Variants in SGCD observed in about 807,000 individuals in gnomAD.
The protein encoded by SGCD is delta-sarcoglycan.
Under a neutral mutation model 36.6 loss-of-function variants are expected in SGCD, and 18 were observed. The ratio of observed to expected loss-of-function variants is 0.49; its 90% confidence interval spans 0.34 to 0.73. The LOEUF is 0.73. SGCD is among the 30% of genes least tolerant of loss of function. The probability of loss-of-function intolerance (pLI) is 0.01; values close to 1 mark genes in which losing one functional copy is unlikely to be tolerated. For missense variants in SGCD, 387 were observed against 346.7 expected (o/e 1.12, Z -0.92); for synonymous variants, 133 against 130.6 (o/e 1.02, Z -0.12).
At chr5:156,106,340 A>G (rs1346411400) in intron 1 of SGCD, among the ~76,000 whole-genome samples, 1 of 152,118 alleles carries the variant, frequency 6.6e-6, no homozygotes, top group Non-Finnish European at 1.5e-5. Flanking sequence ...AAAGTAGTGA[A>G]GGAAAAACAG....
intron 3 of SGCD, among the ~76,000 whole-genome samples, chr5:156,271,022 C>G (rs376638376): frequency 1.8e-4 from 28 of 152,302 alleles, no homozygotes; most frequent in African/African-American, 6.5e-4. Context: ...TCTTCCACCA[C>G]TGGAACTGAT....
intron 3 of SGCD, among the ~76,000 whole-genome samples, chr5:156,136,755 G>T (rs1436053722): frequency 1.3e-5 from 2 of 152,154 alleles, no homozygotes; most frequent in Non-Finnish European, 2.9e-5. Context: ...TGATATCTGA[G>T]ATTTTACTAA....
At chr5:155,928,029 G>A (rs554842968) in intron 1 of SGCD, among the ~76,000 whole-genome samples, 2 of 152,310 alleles carry the variant, frequency 1.3e-5, no homozygotes, top group Admixed American at 6.5e-5. Context: ...CAGGTCTGCA[G>A]CATTATAGAA....
chr5:155,938,979 C>T (rs1757270755), intron 1 of SGCD, among the ~76,000 whole-genome samples: 1 of 152,174 alleles, frequency 6.6e-6, no homozygotes, highest in Admixed American at 6.6e-5. Flanking sequence ...TGTGAAGCTG[C>T]ACTAATAGCC....
At chr5:156,321,396 G>T (rs1474856292) in intron 3 of SGCD, among the ~76,000 whole-genome samples, 1 of 151,928 alleles carries the variant, frequency 6.6e-6, no homozygotes, top group Non-Finnish European at 1.5e-5. Flanking sequence ...CTCCAGCCTG[G>T]GTGACAGAGC....
intron 7 of SGCD, among the ~76,000 whole-genome samples, chr5:156,739,355 A>T (rs1486777305): frequency 6.6e-6 from 1 of 152,228 alleles, no homozygotes; most frequent in Admixed American, 6.5e-5. Flanking sequence ...GCACGCCTTG[A>T]TGCTGGGCAT....
intron 1 of SGCD, among the ~76,000 whole-genome samples, chr5:155,913,827 T>C (rs1344350783): frequency 6.6e-6 from 1 of 152,222 alleles, no homozygotes; most frequent in Non-Finnish European, 1.5e-5. Flanking sequence ...GAGTTCTGCA[T>C]AGTCTGTGCT....
chr5:156,320,205 A>G (rs982599026), intron 3 of SGCD, among the ~76,000 whole-genome samples: 3 of 151,732 alleles, frequency 2.0e-5, no homozygotes, highest in Non-Finnish European at 2.9e-5. Flanking sequence ...CTCATTCAAG[A>G]AGTTTACCAT....
intron 3 of SGCD, among the ~76,000 whole-genome samples, chr5:156,497,006 A>G (rs1258802066): frequency 6.6e-6 from 1 of 152,154 alleles, no homozygotes; most frequent in Non-Finnish European, 1.5e-5. Context: ...AGAAGTTAGA[A>G]TTGTCTTGAC....
At chr5:155,836,758 C>T in the SGCD span, among the ~76,000 whole-genome samples, 1 of 152,130 alleles carries the variant, frequency 6.6e-6, no homozygotes, top group Admixed American at 6.5e-5. Flanking sequence ...GTATTTTTCT[C>T]CTCCTTCTAG....
At chr5:155,978,812 G>C (rs1758172379) in intron 1 of SGCD, among the ~76,000 whole-genome samples, 1 of 151,812 alleles carries the variant, frequency 6.6e-6, no homozygotes, top group African/African-American at 2.4e-5. Context: ...GGGGAGGGGG[G>C]ATATTGGAGT....
chr5:156,660,529 T>A (rs988171639), intron 7 of SGCD, among the ~76,000 whole-genome samples: 4 of 151,986 alleles, frequency 2.6e-5, no homozygotes, highest in Non-Finnish European at 5.9e-5. Context: ...GTTATCACCT[T>A]CCCTATTTCC....
chr5:156,187,244 C>A (rs1239811347), intron 3 of SGCD, among the ~76,000 whole-genome samples: 1 of 151,954 alleles, frequency 6.6e-6, no homozygotes, highest in Non-Finnish European at 1.5e-5. Flanking sequence ...TCATGGAGGG[C>A]ATGGAGTTCT....
rs765530951 is a variant in SGCD at position 156,698,018 on chromosome 5, A to T, written c.575+50482A>T. ...AATTTTTTTGAGTAGTGTGTAATGA[A>T]GGTTTTCTCTGGGCATAGTGGCTCA... On this transcript the variant is annotated intron_variant, in intron 7 of 8. Coordinates refer to ENST00000337851, the MANE Select transcript of SGCD (RefSeq NM_000337.6). Among the ~76,000 whole-genome samples, 186 of 152,146 alleles carry T rather than the reference A, an allele frequency of 1.2e-3. 1 individual carries two copies. Among genetic ancestry groups the T allele is most frequent in the Non-Finnish European group, 1.2e-3 (80 of 68,026 alleles).
intron 3 of SGCD, among the ~76,000 whole-genome samples, chr5:156,306,759 C>A (rs1395417130): frequency 6.6e-6 from 1 of 152,170 alleles, no homozygotes; most frequent in Non-Finnish European, 1.5e-5. Context: ...CTTGTGTGGA[C>A]AGTTGTTCAA....
the SGCD span, among the ~76,000 whole-genome samples, chr5:155,857,070 C>T: frequency 6.5e-3 from 986 of 151,896 alleles, 6 homozygotes; most frequent in African/African-American, 0.023. Flanking sequence ...CCCATCTCTA[C>T]GAAAAATACA....
At chr5:156,638,352 T>A (rs1017703055) in intron 6 of SGCD, among the ~76,000 whole-genome samples, 1 of 152,206 alleles carries the variant, frequency 6.6e-6, no homozygotes, top group Non-Finnish European at 1.5e-5. Flanking sequence ...TCTACACTAC[T>A]GGCCTGATTC....
At chr5:155,777,155 A>G in the SGCD span, among the ~76,000 whole-genome samples, 1 of 152,116 alleles carries the variant, frequency 6.6e-6, no homozygotes, top group African/African-American at 2.4e-5. Context: ...ATTCTGGAAC[A>G]TGGTTTTCTG....
intron 1 of SGCD, among the ~76,000 whole-genome samples, chr5:156,014,841 T>A (rs914829533): frequency 5.3e-5 from 8 of 152,178 alleles, no homozygotes; most frequent in Non-Finnish European, 1.0e-4. Flanking sequence ...GGTGGTTACT[T>A]TCTATAGCGT....
Sources: allele counts gnomAD v4.1 joint callset (sites outside exome capture counted in the v4.1 genomes callset), GRCh38; gene constraint gnomAD v4.1.1; transcripts MANE v1.5; gene names NCBI Gene and HGNC (gene_info 2026-07-23, HGNC 2026-07-21).